The following KPNB1 variants were observed in gnomAD, a reference collection of about 807,000 sequenced individuals.
The protein encoded by KPNB1 is importin subunit beta-1.
Under a neutral mutation model 113.0 loss-of-function variants are expected in KPNB1, and 7 were observed. That is an observed-to-expected ratio of 0.06 (90% CI 0.04 to 0.12). The LOEUF (loss-of-function observed/expected upper bound fraction) is 0.12, where lower values mean the gene tolerates loss of function less well. Among genes scored for constraint, KPNB1 ranks in the 10% least tolerant of loss-of-function variants. KPNB1 has a pLI of 1.00. For synonymous variants in KPNB1, 363 were observed against 378.6 expected (o/e 0.96, Z 0.48); for missense variants, 400 against 1,054.8 (o/e 0.38, Z 8.60).
At chr17:47,679,459 G>A (rs144231008) in intron 19 of KPNB1, among the ~76,000 whole-genome samples, 1 of 152,214 alleles carries the variant, frequency 6.6e-6, no homozygotes, top group African/African-American at 2.4e-5. Flanking sequence ...GGTATCATTA[G>A]CTCAGGAAAA....
intron 8 of KPNB1, among the ~76,000 whole-genome samples, chr17:47,664,669 TG>T: frequency 6.6e-6 from 1 of 152,186 alleles, no homozygotes; most frequent in Non-Finnish European, 1.5e-5. Context: ...GTTCTGTACT[TG>T]GGATCTTTGA....
chr17:47,660,074 C>T (rs2143110290), intron 5 of KPNB1, among the ~76,000 whole-genome samples: 1 of 152,298 alleles, frequency 6.6e-6, no homozygotes, highest in Middle Eastern at 3.4e-3. Context: ...ACTTTTTCAT[C>T]TTGCAAAACT....
intron 11 of KPNB1, 68 bp downstream of exon 11, chr17:47,669,937 G>T: frequency 8.4e-7 from 1 of 1,188,830 alleles, no homozygotes; most frequent in Non-Finnish European, 1.2e-6. Context: ...TAGAAGGTGT[G>T]GGAGAGAAAT....
intron 5 of KPNB1, among the ~76,000 whole-genome samples, chr17:47,660,292 G>C (rs1356772737): frequency 6.6e-6 from 1 of 152,074 alleles, no homozygotes; most frequent in Non-Finnish European, 1.5e-5. Flanking sequence ...GTCAAAATTG[G>C]CTTTTTAAGG....
At chr17:47,680,703 A>C (rs1239590911) in intron 21 of KPNB1, 34 bp downstream of exon 21, 3 of 1,597,506 alleles carry the variant, frequency 1.9e-6, no homozygotes, top group Middle Eastern at 1.7e-4. Flanking sequence ...TCTTTCTTCT[A>C]CTTCCTGGAG....
intron 5 of KPNB1, among the ~76,000 whole-genome samples, chr17:47,659,371 TAAAAG>T (rs903853517): frequency 3.3e-5 from 5 of 152,084 alleles, no homozygotes; most frequent in South Asian, 2.1e-4. Flanking sequence ...ATAAAAAAAA[TAAAAG>T]AAAGAAATTA....
intron 2 of KPNB1, among the ~76,000 whole-genome samples, 163 bp downstream of exon 2, chr17:47,650,607 A>C (rs1264803739): frequency 1.5e-5 from 1 of 65,350 alleles, no homozygotes. Context: ...TAACCCCGCC[A>C]TCGGGAAGCC....
intron 19 of KPNB1, 30 bp downstream of exon 19, chr17:47,678,443 C>T (rs372856620): frequency 3.7e-5 from 57 of 1,521,364 alleles, no homozygotes; most frequent in Non-Finnish European, 4.7e-5. Context: ...TCCCTTCGTC[C>T]GCTCGCCAAT....
intron 9 of KPNB1, among the ~76,000 whole-genome samples, chr17:47,666,471 TATA>T (rs996100601): frequency 1.8e-4 from 26 of 144,464 alleles, no homozygotes; most frequent in South Asian, 1.8e-3. Context: ...ATATATTTTA[TATA>T]ATGTTATATA....
At position 47,650,019 on chromosome 17, in the gene KPNB1, C is replaced by T; in HGVS notation, c.-226C>T. On this transcript the variant is annotated 5_prime_UTR_variant, in exon 1 of 22. Transcript: ENST00000290158. Reference sequence around the variant, plus strand: ...TCTGAGCTGCCCCCAGGGTCCCTCCCCCGCCGCCAGCAGCCCATTTGGAGG... The same window carrying T: ...TCTGAGCTGCCCCCAGGGTCCCTCCTCCGCCGCCAGCAGCCCATTTGGAGG... 1 of 1,369,944 alleles carries T rather than the reference C, an allele frequency of 7.3e-7. No individual in the cohort carries two copies. Among genetic ancestry groups the T allele is most frequent in the Non-Finnish European group, 9.4e-7 (1 of 1,067,950 alleles). 84.9% of individuals were successfully genotyped at this position (1,369,944 alleles called of 1,614,324 possible).
rs1915609907 is a variant in KPNB1, at chr17:47,652,559, T to C, written c.100-135T>C. ...GTAAATATTTTGTGGTTTCCTGAAA[T>C]GCTTATATCAAAAAAAAATTAGACA... On this transcript the variant is annotated intron_variant, in intron 2 of 21. Coordinates refer to ENST00000290158, the MANE Select transcript of KPNB1 (RefSeq NM_002265.6). The C allele has an allele frequency of 2.4e-5, 13 of 531,936 alleles. No individual in the cohort carries two copies. In the South Asian group the frequency reaches 3.5e-4, roughly 15 times the overall value. The allele number at this position is 531,936 out of a possible 1,614,324, so 33.0% of individuals were successfully genotyped here.
chr17:47,672,891 T>C, intron 12 of KPNB1, 127 bp from the exon 13 acceptor site: 1 of 758,994 alleles, frequency 1.3e-6, no homozygotes, highest in Non-Finnish European at 2.0e-6. Context: ...GGATATTGTG[T>C]TTTCAAACTC....
chr17:47,650,158 C>A lies in KPNB1; in HGVS notation c.-87C>A. The A allele has an allele frequency of 7.7e-7, 1 of 1,300,110 alleles. No homozygotes were observed. The highest frequency in any genetic ancestry group is 4.1e-5 in the Admixed American group (1 of 24,132). The allele number at this position is 1,300,110 out of a possible 1,614,324, so 80.5% of individuals were successfully genotyped here. A position where few individuals can be genotyped will look rare whatever the true frequency, so the allele number is the denominator to read the frequency against. ...CACCCCACCCTCCCTTCCCACCCGA[C>A]CCCCAACCCCCATCCCCAGTTCGAG... On this transcript the variant is annotated 5_prime_UTR_variant, in exon 1 of 22. Transcript: ENST00000290158.
At chr17:47,665,229 A>T (rs888037355) in intron 9 of KPNB1, 71 bp downstream of exon 9, 6 of 1,242,212 alleles carry the variant, frequency 4.8e-6, no homozygotes, top group Non-Finnish European at 7.1e-6. Context: ...GAAACTTTCC[A>T]TGGAAGGAAC....
chr17:47,669,717 G>A lies in KPNB1; in HGVS notation c.1264G>A (p.Val422Ile). The change falls in exon 11 of 22, where the codon GTA (valine) becomes ATA (isoleucine). Residue 422 changes from valine (V) to isoleucine (I), a missense_variant. Physicochemically the swap from Val to Ile is conservative, Grantham distance 29 (BLOSUM62 3). Around this residue, in one of 2 missense-constraint regions of KPNB1, gnomAD observed 285 missense variants for 627.0 expected, o/e 0.45. Coordinates refer to ENST00000290158, the MANE Select transcript of KPNB1 (RefSeq NM_002265.6). The part of the protein sequence containing the change: ...TLIELMKDPS[V>I]VVRDTAAWTV... ...AATAGAATTAATGAAAGACCCCAGT[G>A]TAGTTGTTCGAGATACAGCTGCATG... 1 of 1,613,408 alleles carries A rather than the reference G, an allele frequency of 6.2e-7. No individual in the cohort carries two copies. The highest frequency in any genetic ancestry group is 8.5e-7 in the Non-Finnish European group (1 of 1,179,376).
At chr17:47,652,366 T>C (rs1312863753) in intron 2 of KPNB1, among the ~76,000 whole-genome samples, 2 of 152,226 alleles carry the variant, frequency 1.3e-5, no homozygotes, top group Admixed American at 1.3e-4. Flanking sequence ...GACTGACTAC[T>C]ACTACCATAC....
intron 4 of KPNB1, among the ~76,000 whole-genome samples, chr17:47,657,271 A>G (rs776347445): frequency 1.3e-5 from 2 of 152,232 alleles, no homozygotes; most frequent in African/African-American, 4.8e-5. Context: ...CGCAAACTGA[A>G]AACAGAAGTC....
In KPNB1 at chr17:47,656,877, T is replaced by C. The variant is rs774862405; in HGVS notation, c.300T>C (p.Gly100=). The C allele has an allele frequency of 3.4e-5, 55 of 1,614,054 alleles. No homozygotes were observed. The South Asian group carries it at 5.5e-4, about 16-fold the overall frequency. Residue 100 remains glycine (G), a synonymous_variant, in exon 4 of 22, where the codon GGT becomes GGC. Coordinates refer to ENST00000290158, the MANE Select transcript of KPNB1 (RefSeq NM_002265.6). ...EVKNYVLQTL[G]TETYRPSSAS... ...TGGTGCAGGTTTTGCAGACATTGGGTACAGAAACTTACCGGCCTAGTTCTG... is the reference window on the plus strand; with the variant it reads ...TGGTGCAGGTTTTGCAGACATTGGGCACAGAAACTTACCGGCCTAGTTCTG...
At chr17:47,650,465 C>CCCATCCCGCCGCGT (rs766081931) in intron 2 of KPNB1, 21 bp downstream of exon 2, 13 of 1,591,940 alleles carry the variant, frequency 8.2e-6, no homozygotes, top group African/African-American at 2.7e-5. Flanking sequence ...CCCCGCCGCG[C>CCCATCCCGCCGCGT]CCATCCCGCC....
Sources: allele counts gnomAD v4.1 joint callset (sites outside exome capture counted in the v4.1 genomes callset), GRCh38; gene constraint gnomAD v4.1.1; regional missense constraint gnomAD v4.1.1; transcripts MANE v1.5; gene names NCBI Gene and HGNC (gene_info 2026-07-23, HGNC 2026-07-21).